PKD2: variants seen among roughly 807,000 people sequenced by gnomAD.
PKD2 encodes polycystin 2, transient receptor potential cation channel.
PKD2 carries 48 observed loss-of-function variants against 105.9 expected under a neutral mutation model. That is an observed-to-expected ratio of 0.45 (90% CI 0.36 to 0.58). The LOEUF (loss-of-function observed/expected upper bound fraction) is 0.58, where lower values mean the gene tolerates loss of function less well. PKD2 is among the 20% of genes least tolerant of loss of function. The pLI, the probability that PKD2 is intolerant of heterozygous loss-of-function variation, is 0.00. For missense variants in PKD2, 1,078 were observed against 1,255.3 expected, an observed-to-expected ratio of 0.86 and a Z score of 2.13; for synonymous variants, 464 against 481.1, an observed-to-expected ratio of 0.96 and a Z score of 0.46.
intron 6 of PKD2, among the ~76,000 whole-genome samples, chr4:88,047,435 C>T (rs961483145): frequency 1.3e-5 from 2 of 151,966 alleles, no homozygotes; most frequent in South Asian, 2.1e-4. Context: ...GTGGCACACA[C>T]CTGTAGTCTC....
intron 3 of PKD2, 107 bp downstream of exon 3, chr4:88,036,460 CTG>C: frequency 6.4e-7 from 1 of 1,560,850 alleles, no homozygotes; most frequent in Non-Finnish European, 8.7e-7. Flanking sequence ...GCATTTAACA[CTG>C]TGTGAGACGT....
chr4:88,017,599 A>G (rs1416519352), intron 1 of PKD2, among the ~76,000 whole-genome samples: 1 of 152,084 alleles, frequency 6.6e-6, no homozygotes, highest in African/African-American at 2.4e-5. Context: ...TAGTAGAGAC[A>G]GGGTTTCACC....
At chr4:88,024,648 T>G (rs1193530682) in intron 2 of PKD2, among the ~76,000 whole-genome samples, 1 of 152,042 alleles carries the variant, frequency 6.6e-6, no homozygotes, top group African/African-American at 2.4e-5. Flanking sequence ...TTAATAGAAA[T>G]CACAAAAGTT....
intron 9 of PKD2, among the ~76,000 whole-genome samples, chr4:88,060,440 C>G (rs867772527): frequency 1.7e-5 from 2 of 116,134 alleles, no homozygotes; most frequent in Non-Finnish European, 3.2e-5. Flanking sequence ...GCCACTATAT[C>G]CATATATATA....
chr4:88,016,932 C>T (rs1726580061), intron 1 of PKD2, among the ~76,000 whole-genome samples: 1 of 151,288 alleles, frequency 6.6e-6, no homozygotes, highest in Non-Finnish European at 1.5e-5. Context: ...TGCCAGAGTA[C>T]TCCAGCCTGG....
chr4:88,030,578 C>T (rs112472841), intron 2 of PKD2, among the ~76,000 whole-genome samples: 3 of 152,220 alleles, frequency 2.0e-5, no homozygotes, highest in Non-Finnish European at 2.9e-5. Flanking sequence ...AAAGCCTCAG[C>T]GTACACTGTC....
chr4:88,049,712 T>C (rs1441337362), intron 6 of PKD2, among the ~76,000 whole-genome samples: 2 of 152,148 alleles, frequency 1.3e-5, no homozygotes, highest in Admixed American at 6.5e-5. Flanking sequence ...AAAATTTGCT[T>C]ATGCTTACCC....
intron 2 of PKD2, among the ~76,000 whole-genome samples, chr4:88,028,019 G>A (rs906509782): frequency 7.2e-5 from 11 of 152,168 alleles, no homozygotes; most frequent in African/African-American, 2.4e-4. Context: ...ACTACAGAAA[G>A]TGTGTAACTT....
At chr4:88,046,170 T>A (rs1159669912) in intron 5 of PKD2, among the ~76,000 whole-genome samples, 2 of 151,896 alleles carry the variant, frequency 1.3e-5, no homozygotes, top group Non-Finnish European at 2.9e-5. Flanking sequence ...CACACTTACA[T>A]TCCCAGCTAC....
intron 13 of PKD2, among the ~76,000 whole-genome samples, chr4:88,068,480 A>G (rs1720880202): frequency 6.6e-6 from 1 of 152,154 alleles, no homozygotes; most frequent in Non-Finnish European, 1.5e-5. Context: ...AAAAAAAAAA[A>G]AACTTGTCAA....
At chr4:88,057,855 T>G (rs553755237) in intron 8 of PKD2, 128 bp from the exon 9 acceptor site, 1 of 741,870 alleles carries the variant, frequency 1.3e-6, no homozygotes, top group South Asian at 1.5e-5. Flanking sequence ...TTGACAATTT[T>G]CTGTTATTCG....
chr4:88,029,934 G>A (rs1727086291), intron 2 of PKD2, among the ~76,000 whole-genome samples: 2 of 152,212 alleles, frequency 1.3e-5, no homozygotes, highest in South Asian at 2.1e-4. Context: ...GTGACCAGGG[G>A]CCAGACCTGT....
intron 14 of PKD2, among the ~76,000 whole-genome samples, chr4:88,075,230 A>G (rs528998367): frequency 6.6e-6 from 1 of 152,354 alleles, no homozygotes; most frequent in East Asian, 1.9e-4. Context: ...CCATAACTAC[A>G]GATAAAATTA....
In PKD2 at chr4:88,019,533, T is replaced by G; in HGVS notation, c.671T>G (p.Leu224Arg). The change falls in exon 2 of 15, where the codon CTG becomes CGG. Residue 224 changes from leucine (L) to arginine (R), a missense_variant. Coordinates refer to ENST00000237596, the MANE Select transcript of PKD2 (RefSeq NM_000297.4). ...EKYLKSVLRE[L>R]VTYLLFLIVL... ...TACCTTAAAAGTGTTTTACGGGAAC[T>G]GGTCACATACCTCCTTTTTCTCATA... 1 of 1,599,406 alleles carries G rather than the reference T, an allele frequency of 6.3e-7. No individual in the cohort carries two copies. The highest frequency in any genetic ancestry group is 8.6e-7 in the Non-Finnish European group (1 of 1,166,534).
At chr4:88,010,888 T>G (rs1176327039) in intron 1 of PKD2, among the ~76,000 whole-genome samples, 1 of 152,256 alleles carries the variant, frequency 6.6e-6, no homozygotes, top group Admixed American at 6.5e-5. Context: ...TGAGGCCTGT[T>G]GAGGCCTGTT....
At chr4:88,060,096 C>T (rs960361651) in intron 9 of PKD2, among the ~76,000 whole-genome samples, 1 of 152,156 alleles carries the variant, frequency 6.6e-6, no homozygotes, top group African/African-American at 2.4e-5. Context: ...TTCTCAAGCA[C>T]TTTCTATTTT....
chr4:88,014,585 C>T (rs558840093), intron 1 of PKD2, among the ~76,000 whole-genome samples: 2 of 152,230 alleles, frequency 1.3e-5, no homozygotes, highest in Admixed American at 1.3e-4. Context: ...AAAGCCACTT[C>T]CCTTTCTAAA....
intron 13 of PKD2, among the ~76,000 whole-genome samples, chr4:88,072,729 T>A (rs1721078133): frequency 1.3e-5 from 2 of 152,164 alleles, no homozygotes; most frequent in Admixed American, 6.5e-5. Flanking sequence ...TTAGAACCTC[T>A]GCAACATGCA....
chr4:88,016,608 G>T (rs1027746725), intron 1 of PKD2, among the ~76,000 whole-genome samples: 1 of 152,132 alleles, frequency 6.6e-6, no homozygotes, highest in Non-Finnish European at 1.5e-5. Context: ...ATGGGAAAAT[G>T]AGATGAAAAA....
Sources: allele counts gnomAD v4.1 joint callset (sites outside exome capture counted in the v4.1 genomes callset), GRCh38; gene constraint gnomAD v4.1.1; transcripts MANE v1.5; gene names NCBI Gene and HGNC (gene_info 2026-07-23, HGNC 2026-07-21).